Variants in SCN2B observed in about 807,000 individuals in gnomAD.
SCN2B encodes sodium voltage-gated channel beta subunit 2.
Under a neutral mutation model 18.2 loss-of-function variants are expected in SCN2B, and 14 were observed. The observed-to-expected ratio is 0.77, with a 90% CI of 0.51 to 1.21. The LOEUF is 1.21. SCN2B is among the 50% of genes most tolerant of loss of function. SCN2B has a pLI of 0.00. For missense variants in SCN2B, 262 were observed against 286.9 expected, an observed-to-expected ratio of 0.91 and a Z score of 0.63; for synonymous variants, 115 against 115.3, an observed-to-expected ratio of 1.00 and a Z score of 0.02.
chr11:118,168,691 G>A lies in SCN2B; in HGVS notation c.131C>T (p.Ser44Phe), dbSNP rs1948406212. The change falls in exon 2 of 4, where the codon TCT (serine) becomes TTT (phenylalanine). Residue 44 changes from serine (S) to phenylalanine (F), a missense_variant. Ser to Phe is a radical substitution (Grantham distance 155). Transcript: ENST00000278947. The surrounding 1 kb of genome is among the most constrained non-coding windows in gnomAD (Gnocchi z 4.7). The stretch of plus-strand genomic sequence containing the variant: ...GAAGGTGCAGGGCAGGCGGGCGTCA[G>A]AGCCATTGAGGACGTTGAGGGTGGC... ...VPATLNVLNG[S>F]DARLPCTFNS... The A allele has an allele frequency of 4.3e-6, 7 of 1,614,130 alleles. No homozygotes were observed. Among genetic ancestry groups the A allele is most frequent in the Non-Finnish European group, 5.9e-6 (7 of 1,180,046 alleles).
In SCN2B at chr11:118,168,806, G is replaced by T; in HGVS notation, c.71-55C>A. On this transcript the variant is annotated intron_variant, in intron 1 of 3. Coordinates refer to ENST00000278947, the MANE Select transcript of SCN2B (RefSeq NM_004588.5). This position sits in a 1 kb window ranked among gnomAD's most constrained non-coding sequence, Gnocchi z 4.7. ...GTCTGGCTGAAAGGGCTGGGGAGGG[G>T]CAAGCCCTCTGTGCCTGGGAGTGTT... is the stretch of plus-strand genomic sequence containing the variant. 1 of 1,592,654 alleles carries T rather than the reference G, an allele frequency of 6.3e-7. No homozygotes were observed. Among genetic ancestry groups the T allele is most frequent in the Non-Finnish European group, 8.6e-7 (1 of 1,161,466 alleles).
chr11:118,174,091 C>CTTTTGTTTTTTTTTTTTTTTT (rs1555101438), intron 1 of SCN2B, among the ~76,000 whole-genome samples: 9 of 66,626 alleles, frequency 1.4e-4, no homozygotes, highest in East Asian at 5.0e-4. Flanking sequence ...TTTTTCTTTT[C>CTTTTGTTTTTTTTTTTTTTTT]TTTTTTTTTT....
chr11:118,166,945 T>C lies in SCN2B; in HGVS notation c.590A>G (p.Lys197Arg), dbSNP rs1948388488. ...KEQKLSTDDL[K>R]TEEEGKTDGE... The stretch of plus-strand genomic sequence containing the variant: ...GTCCGTCTTGCCCTCCTCCTCGGTC[T>C]TCAGGTCATCTGTGCTCAGCTTCTG... The change falls in exon 4 of 4, where the codon AAG (lysine) becomes AGG (arginine). Residue 197 changes from lysine to arginine, a missense_variant. Physicochemically the swap from Lys to Arg is conservative, Grantham distance 26. Coordinates refer to ENST00000278947, the MANE Select transcript of SCN2B (RefSeq NM_004588.5). 1 of 1,614,060 alleles carries C rather than the reference T, an allele frequency of 6.2e-7. No individual in the cohort carries two copies. The highest frequency in any genetic ancestry group is 8.5e-7 in the Non-Finnish European group (1 of 1,180,044).
In SCN2B at chr11:118,166,524, G is replaced by A; in HGVS notation, c.*363C>T. 1 of 353,914 alleles carries A rather than the reference G, an allele frequency of 2.8e-6. No homozygotes were observed. The highest frequency in any genetic ancestry group is 5.4e-6 in the Non-Finnish European group (1 of 183,762). The allele number at this position is 353,914 out of a possible 1,614,324, so 21.9% of individuals were successfully genotyped here. On this transcript the variant is annotated 3_prime_UTR_variant, in exon 4 of 4. Coordinates refer to ENST00000278947, the MANE Select transcript of SCN2B (RefSeq NM_004588.5). The stretch of plus-strand genomic sequence containing the variant: ...CCACCAGGTCCTCTCTGAAGCCACT[G>A]CCAGGCCAAGCACTGGGCAGGTGGA...
At chr11:118,172,337 A>G (rs1417658129) in intron 1 of SCN2B, among the ~76,000 whole-genome samples, 1 of 152,230 alleles carries the variant, frequency 6.6e-6, no homozygotes, top group Non-Finnish European at 1.5e-5. Context: ...AAGATGGAGC[A>G]CAAAGAAGTT....
intron 1 of SCN2B, among the ~76,000 whole-genome samples, chr11:118,175,361 C>T (rs1948461143): frequency 6.6e-6 from 1 of 152,226 alleles, no homozygotes; most frequent in South Asian, 2.1e-4. Context: ...CCAAGTAACT[C>T]AGCAAAGCAG....
intron 1 of SCN2B, among the ~76,000 whole-genome samples, chr11:118,169,286 C>A (rs1018034445): frequency 6.6e-6 from 1 of 152,200 alleles, no homozygotes; most frequent in Non-Finnish European, 1.5e-5. Flanking sequence ...CCTGCCCCCA[C>A]CACACTTGCC....
At chr11:118,167,500 G>C (rs1360673668) in intron 3 of SCN2B, among the ~76,000 whole-genome samples, 1 of 152,184 alleles carries the variant, frequency 6.6e-6, no homozygotes, top group African/African-American at 2.4e-5. Context: ...TTAGCCCTAT[G>C]ACTGAGACAT....
chr11:118,167,078 C>A lies in SCN2B; in HGVS notation c.457G>T (p.Glu153Ter), dbSNP rs376778056. 1.9e-6 allele frequency: 3 copies of A among 1,611,984 alleles called. 1 individual carries two copies. Among genetic ancestry groups the A allele is most frequent in the Non-Finnish European group, 2.5e-6 (3 of 1,179,950 alleles). Reference sequence around the variant, plus strand: ...ATCACGGCCACCGTGGAGTCCCGCTCAGGGGGCTCTGGAAAGGAAGCAGAG... The same window carrying A: ...ATCACGGCCACCGTGGAGTCCCGCTAAGGGGGCTCTGGAAAGGAAGCAGAG... ...HLQVLMEEPPERDSTVAVIVG... is the reference protein window; with the variant it reads ...HLQVLMEEPP The change falls in exon 4 of 4, where the codon GAG (glutamate) becomes TAG (stop). Residue 153 changes from glutamate to a stop codon, truncating the protein, a stop_gained. Transcript: ENST00000278947. LOFTEE classifies it high-confidence loss of function.
At chr11:118,176,013 A>G (rs1591447314) in intron 1 of SCN2B, among the ~76,000 whole-genome samples, 1 of 152,128 alleles carries the variant, frequency 6.6e-6, no homozygotes, top group East Asian at 1.9e-4. Context: ...AGGACCCCGC[A>G]TTTGCAGCAA....
intron 1 of SCN2B, among the ~76,000 whole-genome samples, chr11:118,175,799 C>T (rs1264134769): frequency 6.6e-6 from 1 of 152,182 alleles, no homozygotes; most frequent in Admixed American, 6.5e-5. Context: ...CTCAGCAGGT[C>T]TCCTCCCAAC....
In SCN2B at chr11:118,163,993, G is replaced by C. The variant is rs1948355103; in HGVS notation, c.*2894C>G. On this transcript the variant is annotated 3_prime_UTR_variant, in exon 4 of 4. Transcript: ENST00000278947. ...AAATGCATATGAGGGCTGAGCACCT[G>C]GGACAGAGATGGTTCCTGACCCAGC... 1 of 152,168 alleles carries C rather than the reference G, an allele frequency of 6.6e-6. No homozygotes were observed. The highest frequency in any genetic ancestry group is 1.5e-5 in the Non-Finnish European group (1 of 68,028). The allele number at this position is 152,168 out of a possible 1,614,324, so 9.4% of individuals were successfully genotyped here. A position where few individuals can be genotyped will look rare whatever the true frequency, so the allele number is the denominator to read the frequency against.
chr11:118,168,424 G>C lies in SCN2B; in HGVS notation c.238-129C>G. On this transcript the variant is annotated intron_variant, in intron 2 of 3. Coordinates refer to ENST00000278947, the MANE Select transcript of SCN2B (RefSeq NM_004588.5). The surrounding 1 kb of genome is among the most constrained non-coding windows in gnomAD (Gnocchi z 4.7). Reference sequence around the variant, plus strand: ...AGGCAGTTACCTCTGTGAGGCACCTGGATGCGCAGCACACCTTGTTTCAAG... The same window carrying C: ...AGGCAGTTACCTCTGTGAGGCACCTCGATGCGCAGCACACCTTGTTTCAAG... The C allele has an allele frequency of 8.0e-7, 1 of 1,256,738 alleles. No homozygotes were observed. Among genetic ancestry groups the C allele is most frequent in the Non-Finnish European group, 1.2e-6 (1 of 858,228 alleles). The allele number at this position is 1,256,738 out of a possible 1,614,324, so 77.8% of individuals were successfully genotyped here.
Position 118,163,857 on chromosome 11 carries a change from T to C in SCN2B, c.*3030A>G, listed in dbSNP as rs1948353794. ...GAAATGGCTGCTGTGGAAACATCTC[T>C]CTGGTTTTCCACCTCTACTTACAGA... On this transcript the variant is annotated 3_prime_UTR_variant, in exon 4 of 4. Coordinates refer to ENST00000278947, the MANE Select transcript of SCN2B (RefSeq NM_004588.5). 1 of 152,232 alleles carries C rather than the reference T, an allele frequency of 6.6e-6. No individual in the cohort carries two copies. Among genetic ancestry groups the C allele is most frequent in the South Asian group, 2.1e-4 (1 of 4,830 alleles). The allele number at this position is 152,232 out of a possible 1,614,324, so 9.4% of individuals were successfully genotyped here. A position where few individuals can be genotyped will look rare whatever the true frequency, so the allele number is the denominator to read the frequency against.
At position 118,168,124 on chromosome 11, in the gene SCN2B, G is replaced by A. The variant is rs1216805065; in HGVS notation, c.409C>T (p.Arg137Cys). 5.6e-6 allele frequency: 9 copies of A among 1,613,994 alleles called. No individual in the cohort carries two copies. Among genetic ancestry groups the A allele is most frequent in the Middle Eastern group, 3.3e-4 (2 of 6,084 alleles). Residue 137 changes from arginine to cysteine, a missense_variant, in exon 3 of 4, where the codon CGT becomes TGT. Arg to Cys is a radical substitution (Grantham distance 180). Transcript: ENST00000278947. This position sits in a 1 kb window ranked among gnomAD's most constrained non-coding sequence, Gnocchi z 4.7. ...TGCAGATGGATCTTGCCATGGCCAC[G>A]GTGGCGGTCAGGGGGGTTCATGATG... ...CYIMNPPDRHRGHGKIHLQVL... is the reference protein window; with the variant it reads ...CYIMNPPDRHCGHGKIHLQVL...
chr11:118,175,612 A>C (rs1373892100), intron 1 of SCN2B, among the ~76,000 whole-genome samples: 1 of 152,238 alleles, frequency 6.6e-6, no homozygotes, highest in African/African-American at 2.4e-5. Flanking sequence ...GAGTGGTCAA[A>C]TACAAACACT....
Position 118,165,955 on chromosome 11 carries a change from T to C in SCN2B, c.*932A>G, listed in dbSNP as rs996256759. The C allele has an allele frequency of 6.6e-6, 1 of 152,322 alleles. No individual in the cohort carries two copies. Among genetic ancestry groups the C allele is most frequent in the African/African-American group, 2.4e-5 (1 of 41,432 alleles). 9.4% of individuals were successfully genotyped at this position (152,322 alleles called of 1,614,324 possible). On this transcript the variant is annotated 3_prime_UTR_variant, in exon 4 of 4. Coordinates refer to ENST00000278947, the MANE Select transcript of SCN2B (RefSeq NM_004588.5). ...CCACCAAGGGCAACTGGGAGAGTTC[T>C]CACTGAAGCCCCAAAGAAAGCTGCC...
chr11:118,167,137 C>G (rs1056114715), intron 3 of SCN2B, 51 bp from the exon 4 acceptor site: 6 of 1,564,870 alleles, frequency 3.8e-6, no homozygotes, highest in Non-Finnish European at 5.2e-6. Context: ...AGGGGCCTCC[C>G]CCATCACCCC....
chr11:118,163,455 A>C lies in SCN2B; in HGVS notation c.*3432T>G, dbSNP rs933927783. The C allele has an allele frequency of 1.3e-5, 2 of 152,710 alleles. No homozygotes were observed. The highest frequency in any genetic ancestry group is 2.9e-5 in the Non-Finnish European group (2 of 68,058). The allele number at this position is 152,710 out of a possible 1,614,324, so 9.5% of individuals were successfully genotyped here. On this transcript the variant is annotated 3_prime_UTR_variant, in exon 4 of 4. Coordinates refer to ENST00000278947, the MANE Select transcript of SCN2B (RefSeq NM_004588.5). ...CGCAGAGAGAAACATGGATCCGATC[A>C]GCTTTTCCTTTTTATAAACTGGAAA...
Sources: allele counts gnomAD v4.1 joint callset (sites outside exome capture counted in the v4.1 genomes callset), GRCh38; gene constraint gnomAD v4.1.1; non-coding constraint Gnocchi (gnomAD v3.1); transcripts MANE v1.5; gene names NCBI Gene and HGNC (gene_info 2026-07-23, HGNC 2026-07-21).